Variants in MYOM3 observed in about 807,000 individuals in gnomAD.
MYOM3 encodes myomesin-3.
MYOM3 carries 155 observed loss-of-function variants against 191.7 expected under a neutral mutation model. The observed-to-expected ratio is 0.81, with a 90% CI of 0.71 to 0.92. The LOEUF (loss-of-function observed/expected upper bound fraction) is 0.92, where lower values mean the gene tolerates loss of function less well. Among genes scored for constraint, MYOM3 ranks in the 40% least tolerant of loss-of-function variants. MYOM3 has a pLI of 0.00. For missense variants in MYOM3, 1,889 were observed against 1,890.6 expected (o/e 1.00, Z 0.02); for synonymous variants, 757 against 762.9 (o/e 0.99, Z 0.13).
intron 7 of MYOM3, among the ~76,000 whole-genome samples, chr1:24,096,500 T>TTCCAGA: frequency 6.6e-6 from 1 of 152,158 alleles, no homozygotes; most frequent in Non-Finnish European, 1.5e-5. Flanking sequence ...GGCTTGACTC[T>TTCCAGA]GGGCATGGAC....
At position 24,063,093 on chromosome 1, in the gene MYOM3, C is replaced by A. The variant is rs375232661; in HGVS notation, c.3770+33G>T. ...GGGTCAGGTGCTGAATCCTTTCCAG[C>A]CTGGCTGGGGTTCTGGGGCAAGGCG... On this transcript the variant is annotated intron_variant, in intron 32 of 36. Transcript: ENST00000374434. This position sits in a 1 kb window ranked among gnomAD's most constrained non-coding sequence, Gnocchi z 4.5. 1.2e-5 allele frequency: 18 copies of A among 1,490,940 alleles called. No individual in the cohort carries two copies. Among genetic ancestry groups the A allele is most frequent in the African/African-American group, 9.7e-5 (7 of 72,488 alleles). The allele number at this position is 1,490,940 out of a possible 1,614,324, so 92.4% of individuals were successfully genotyped here. A position where few individuals can be genotyped will look rare whatever the true frequency, so the allele number is the denominator to read the frequency against.
intron 20 of MYOM3, among the ~76,000 whole-genome samples, chr1:24,078,867 G>T (rs562834027): frequency 2.0e-5 from 3 of 152,138 alleles, no homozygotes; most frequent in Admixed American, 1.3e-4. Context: ...TTCCTGATAT[G>T]TCTAAGTATT....
At chr1:24,064,726 C>T (rs957875740) in intron 29 of MYOM3, among the ~76,000 whole-genome samples, 1 of 152,246 alleles carries the variant, frequency 6.6e-6, no homozygotes, top group Non-Finnish European at 1.5e-5. Context: ...CCTCTCATTA[C>T]ACAGCACCTT....
rs775502746 is a variant in MYOM3 at position 24,093,019 on chromosome 1, C to T, written c.1018G>A (p.Glu340Lys). ...GGCACCCGGACCATGTAGAGCCCCT[C>T]GTCCTCCTTGTAGGTGCAGGACACC... ...LKVSCTYKED[E>K]GLYMVRVPSP... The change falls in exon 10 of 37, where the codon GAG becomes AAG. Residue 340 changes from glutamate to lysine, a missense_variant. By Grantham distance (56) the Glu-to-Lys change is moderately conservative. Transcript: ENST00000374434. 7 of 1,612,912 alleles carry T rather than the reference C, an allele frequency of 4.3e-6. No individual in the cohort carries two copies. Among genetic ancestry groups the T allele is most frequent in the East Asian group, 4.5e-5 (2 of 44,862 alleles).
chr1:24,071,173 A>T lies in MYOM3; in HGVS notation c.3094T>A (p.Ser1032Thr), dbSNP rs769800917. The stretch of plus-strand genomic sequence containing the variant: ...ATTAGATGTAGCTCAGCGGCTGGAG[A>T]TAACTTTTCTACTTCCAGCCAAAGC... ...VRLWLEVEKL[S>T]PAAELHLIFN... Residue 1032 changes from serine to threonine, a missense_variant, in exon 25 of 37, where the codon TCT (serine) becomes ACT (threonine). By Grantham distance (58) the Ser-to-Thr change is moderately conservative. Transcript: ENST00000374434. 1 of 1,613,988 alleles carries T rather than the reference A, an allele frequency of 6.2e-7. No homozygotes were observed. The highest frequency in any genetic ancestry group is 1.3e-5 in the African/African-American group (1 of 74,892).
At position 24,093,047 on chromosome 1, in the gene MYOM3, C is replaced by T. The variant is rs1280142101; in HGVS notation, c.990G>A (p.Leu330=). The change falls in exon 10 of 37, where the codon CTG becomes CTA. Residue 330 remains leucine, a synonymous_variant. Transcript: ENST00000374434. ...CCTCCTTGTAGGTGCAGGACACCTT[C>T]AGGGATGCCTGGCGGTCTGTGTAGA... ...KILYTDRQAS[L]KVSCTYKEDE... is the part of the protein sequence containing the mutation. 3 of 1,613,336 alleles carry T rather than the reference C, an allele frequency of 1.9e-6. No homozygotes were observed. The South Asian group carries it at 3.3e-5, about 18-fold the overall frequency.
At chr1:24,066,673 CTG>C (rs1643438703) in intron 28 of MYOM3, 1 of 372,082 alleles carries the variant, frequency 2.7e-6, no homozygotes, top group African/African-American at 2.0e-5. Flanking sequence ...TGAAATAATA[CTG>C]TGAGTCTCTG....
chr1:24,060,950 C>T (rs770998494), intron 35 of MYOM3, 110 bp downstream of exon 35: 9 of 1,266,076 alleles, frequency 7.1e-6, no homozygotes, highest in African/African-American at 3.0e-5. Flanking sequence ...TAGAGCCCCA[C>T]AGACCCCACT....
intron 7 of MYOM3, among the ~76,000 whole-genome samples, chr1:24,096,416 G>T (rs1324835584): frequency 6.6e-6 from 1 of 152,198 alleles, no homozygotes; most frequent in Non-Finnish European, 1.5e-5. Flanking sequence ...GATGGAGAGA[G>T]GGACAGGGAT....
chr1:24,093,334 G>C (rs540407096), intron 9 of MYOM3, among the ~76,000 whole-genome samples: 13 of 152,174 alleles, frequency 8.5e-5, no homozygotes, highest in Non-Finnish European at 1.5e-4. Context: ...GCCAGTGCGG[G>C]GCTGGGGCTC....
chr1:24,082,670 C>A lies in MYOM3; in HGVS notation c.2015G>T (p.Cys672Phe), dbSNP rs750814730. The change falls in exon 17 of 37, where the codon TGT (cysteine) becomes TTT (phenylalanine). Residue 672 changes from cysteine to phenylalanine, a missense_variant. Physicochemically the swap from Cys to Phe is radical, Grantham distance 205. Transcript: ENST00000374434. ...CCCAGCCTCGCTGACTGACCTGACA[C>A]AAAACTCGTACTCCTTCCCCGTCCT... ...GLRTGKEYEF[C>F]VRSVSEAGVG... 3 of 1,612,538 alleles carry A rather than the reference C, an allele frequency of 1.9e-6. No individual in the cohort carries two copies. The highest frequency in any genetic ancestry group is 1.7e-6 in the Non-Finnish European group (2 of 1,179,478).
chr1:24,090,036 G>A, intron 13 of MYOM3, 29 bp downstream of exon 13: 2 of 1,607,498 alleles, frequency 1.2e-6, no homozygotes, highest in Admixed American at 3.3e-5. Context: ...CTATACAGGA[G>A]GCCCAGTGTG....
intron 13 of MYOM3, 109 bp downstream of exon 13, chr1:24,089,956 C>T: frequency 8.6e-6 from 10 of 1,166,242 alleles, no homozygotes; most frequent in South Asian, 1.4e-5. Flanking sequence ...CCCACCTGCC[C>T]TCATCCCCCA....
intron 19 of MYOM3, 72 bp downstream of exon 19, chr1:24,081,258 C>A: frequency 6.4e-7 from 1 of 1,566,792 alleles, no homozygotes; most frequent in Non-Finnish European, 8.7e-7. Context: ...GAGCGGCAAC[C>A]TTCATCTCAT....
chr1:24,061,830 G>A (rs1643373028), intron 33 of MYOM3, 116 bp downstream of exon 33: 13 of 1,131,558 alleles, frequency 1.1e-5, no homozygotes, highest in Middle Eastern at 2.3e-4. Context: ...GAGCTCAAGC[G>A]ATCCTCCCAC....
intron 14 of MYOM3, among the ~76,000 whole-genome samples, chr1:24,088,544 T>C (rs1244722036): frequency 1.3e-5 from 2 of 152,200 alleles, no homozygotes; most frequent in African/African-American, 4.8e-5. Context: ...TTCACCATGA[T>C]ACACTACCAC....
intron 14 of MYOM3, 21 bp downstream of exon 14, chr1:24,089,517 T>C (rs1194587037): frequency 2.5e-6 from 4 of 1,588,574 alleles, no homozygotes; most frequent in Non-Finnish European, 3.4e-6. Flanking sequence ...GGCCTGGGGC[T>C]GGGGCCTCGG....
chr1:24,063,476 G>A lies in MYOM3; in HGVS notation c.3661+16C>T, dbSNP rs1236179125. 1 of 1,614,010 alleles carries A rather than the reference G, an allele frequency of 6.2e-7. No homozygotes were observed. Among genetic ancestry groups the A allele is most frequent in the African/African-American group, 1.3e-5 (1 of 74,934 alleles). ...TCAGGGCAGGGCAGGGCTGGGCAAAGAGGCAGGCTGCTTACCACCAATCCT... is the reference window on the plus strand; with the variant it reads ...TCAGGGCAGGGCAGGGCTGGGCAAAAAGGCAGGCTGCTTACCACCAATCCT... On this transcript the variant is annotated intron_variant, in intron 31 of 36. Coordinates refer to ENST00000374434, the MANE Select transcript of MYOM3 (RefSeq NM_152372.4). The surrounding 1 kb of genome is among the most constrained non-coding windows in gnomAD (Gnocchi z 4.5).
At chr1:24,101,774 A>G (rs550048274) in intron 5 of MYOM3, among the ~76,000 whole-genome samples, 2 of 152,268 alleles carry the variant, frequency 1.3e-5, no homozygotes, top group East Asian at 3.9e-4. Context: ...TGTTTTTCTT[A>G]ATGTCCTCTG....
Sources: allele counts gnomAD v4.1 joint callset (sites outside exome capture counted in the v4.1 genomes callset), GRCh38; gene constraint gnomAD v4.1.1; non-coding constraint Gnocchi (gnomAD v3.1); transcripts MANE v1.5; gene names NCBI Gene and HGNC (gene_info 2026-07-23, HGNC 2026-07-21).